Variants in C2CD2L observed in about 807,000 individuals in gnomAD.
The protein encoded by C2CD2L is phospholipid transfer protein C2CD2L.
C2CD2L carries 24 observed loss-of-function variants against 69.9 expected under a neutral mutation model. The ratio of observed to expected loss-of-function variants is 0.34; its 90% CI spans 0.25 to 0.48. The LOEUF is 0.48. Among genes scored for constraint, C2CD2L ranks in the 20% least tolerant of loss-of-function variants. The pLI, the probability that C2CD2L is intolerant of heterozygous loss-of-function variation, is 0.99. For missense variants in C2CD2L, 811 were observed against 941.5 expected, an observed-to-expected ratio of 0.86 and a Z score of 1.81; for synonymous variants, 367 against 391.0, an observed-to-expected ratio of 0.94 and a Z score of 0.72.
At position 119,110,292 on chromosome 11, in the gene C2CD2L, G is replaced by A. The variant is rs1946699690; in HGVS notation, c.450+93G>A. 2 of 967,066 alleles carry A rather than the reference G, an allele frequency of 2.1e-6. No individual in the cohort carries two copies. The highest frequency in any genetic ancestry group is 3.2e-6 in the Non-Finnish European group (2 of 619,630). 59.9% of individuals were successfully genotyped at this position (967,066 alleles called of 1,614,324 possible). The stretch of plus-strand genomic sequence containing the variant: ...TCCAGAGGTTCTTAACCTGGAGTCT[G>A]TGAATGCCTTATGGATCTAAGGATT... On this transcript the variant is annotated intron_variant, in intron 2 of 13. Transcript: ENST00000648610. This position sits in a 1 kb window ranked among gnomAD's most constrained non-coding sequence, Gnocchi z 5.7.
At position 119,110,475 on chromosome 11, in the gene C2CD2L, G is replaced by A; in HGVS notation, c.451-86G>A. On this transcript the variant is annotated intron_variant, in intron 2 of 13. Coordinates refer to ENST00000648610, the MANE Select transcript of C2CD2L (RefSeq NM_001290474.2). This position sits in a 1 kb window ranked among gnomAD's most constrained non-coding sequence, Gnocchi z 5.7. ...TGAAGTCCTTAGGAAAACGGAAGTG[G>A]GGAGGGGTCTGCTGAACTATTACAG... The A allele has an allele frequency of 6.9e-7, 1 of 1,449,202 alleles. No homozygotes were observed. The highest frequency in any genetic ancestry group is 9.2e-7 in the Non-Finnish European group (1 of 1,082,874). 89.8% of individuals were successfully genotyped at this position (1,449,202 alleles called of 1,614,324 possible). A position where few individuals can be genotyped will look rare whatever the true frequency, so the allele number is the denominator to read the frequency against.
chr11:119,102,579 T>C (rs1431284495), upstream of C2CD2L, among the ~76,000 whole-genome samples: 3 of 152,244 alleles, frequency 2.0e-5, no homozygotes, highest in African/African-American at 4.8e-5. Context: ...CACTGAGGGA[T>C]TGGGAGTACC....
At chr11:119,104,056 G>A (rs958800553), upstream of C2CD2L, among the ~76,000 whole-genome samples, 2 of 152,328 alleles carry the variant, frequency 1.3e-5, no homozygotes, top group South Asian at 4.1e-4. Flanking sequence ...CATATGGAGG[G>A]AGCAATTAGT....
intron 1 of C2CD2L, among the ~76,000 whole-genome samples, chr11:119,108,591 G>T (rs1165134968): frequency 6.6e-6 from 1 of 152,164 alleles, no homozygotes; most frequent in East Asian, 1.9e-4. Flanking sequence ...CCTCCATGCT[G>T]GCCTGTGGTT....
At chr11:119,115,627 G>A (rs1315915619) in intron 13 of C2CD2L, 3 of 257,044 alleles carry the variant, frequency 1.2e-5, no homozygotes, top group Non-Finnish European at 2.2e-5. Context: ...TAACAAGTCA[G>A]TGTCAACCTA....
Position 119,111,267 on chromosome 11 carries a change from C to A in C2CD2L, c.803C>A (p.Pro268His), listed in dbSNP as rs1328553070. ...RACSAPGGLV[P>H]SEKPPMMPQA... ...TGGACCTTCTTCTGCTCTTAGGTAC[C>A]CAGTGAGAAGCCACCCATGATGCCC... Residue 268 changes from proline to histidine, a missense_variant, in exon 6 of 14, where the codon CCC becomes CAC. Pro to His is a moderately conservative substitution (Grantham distance 77). Transcript: ENST00000648610. 5 of 1,613,972 alleles carry A rather than the reference C, an allele frequency of 3.1e-6. No homozygotes were observed. The highest frequency in any genetic ancestry group is 4.2e-6 in the Non-Finnish European group (5 of 1,179,850).
At chr11:119,115,821 G>A in intron 13 of C2CD2L, 1 of 593,466 alleles carries the variant, frequency 1.7e-6, no homozygotes. Flanking sequence ...CCTCAGGAAG[G>A]ATAAAGCACA....
upstream of C2CD2L, among the ~76,000 whole-genome samples, chr11:119,103,668 G>T (rs531943782): frequency 6.9e-5 from 9 of 129,912 alleles, no homozygotes; most frequent in African/African-American, 2.4e-4. Flanking sequence ...CTGCATCCCA[G>T]CCTGGGCAAC....
At chr11:119,113,041 T>G (rs1946792678) in intron 10 of C2CD2L, 167 bp downstream of exon 10, 2 of 637,286 alleles carry the variant, frequency 3.1e-6, no homozygotes, top group Non-Finnish European at 5.4e-6. Context: ...TCTTCCAAAC[T>G]TTCCCTTACC....
Position 119,107,910 on chromosome 11 carries a change from G to A in C2CD2L, c.169G>A (p.Ala57Thr), listed in dbSNP as rs758304015. ...GPGPALAGEP[A>T]GSLRELGVWR... ...GGGACCCGCCTTAGCCGGGGAACCC[G>A]CGGGTTCCCTGCGGGAGCTGGGCGT... The change falls in exon 1 of 14, where the codon GCG (alanine) becomes ACG (threonine). Residue 57 changes from alanine to threonine, a missense_variant. By Grantham distance (58) the Ala-to-Thr change is moderately conservative (BLOSUM62 0). Coordinates refer to ENST00000648610, the MANE Select transcript of C2CD2L (RefSeq NM_001290474.2). The surrounding 1 kb of genome is among the most constrained non-coding windows in gnomAD (Gnocchi z 5.4). 24 of 1,528,916 alleles carry A rather than the reference G, an allele frequency of 1.6e-5. No homozygotes were observed. In the South Asian group the frequency reaches 2.6e-4, roughly 17 times the overall value. 94.7% of individuals were successfully genotyped at this position (1,528,916 alleles called of 1,614,324 possible). A position where few individuals can be genotyped will look rare whatever the true frequency, so the allele number is the denominator to read the frequency against.
upstream of C2CD2L, among the ~76,000 whole-genome samples, chr11:119,106,087 A>T (rs769608657): frequency 5.3e-5 from 8 of 152,204 alleles, no homozygotes; most frequent in Non-Finnish European, 1.0e-4. Context: ...ACAGGAGGTT[A>T]CCTCATTCAC....
intron 13 of C2CD2L, 43 bp from the exon 14 acceptor site, chr11:119,116,002 C>A (rs1425698064): frequency 5.1e-6 from 8 of 1,557,936 alleles, no homozygotes; most frequent in Non-Finnish European, 7.0e-6. Context: ...TCTCACCCCA[C>A]CCCGTGCCCC....
intron 1 of C2CD2L, among the ~76,000 whole-genome samples, chr11:119,108,523 C>T (rs1449991552): frequency 6.6e-6 from 1 of 152,112 alleles, no homozygotes; most frequent in Non-Finnish European, 1.5e-5. Flanking sequence ...CCCCAAGGAG[C>T]CTGAATCACC....
intron 7 of C2CD2L, 24 bp from the exon 8 acceptor site, chr11:119,112,304 G>A (rs1430009876): frequency 6.2e-7 from 1 of 1,606,488 alleles, no homozygotes; most frequent in African/African-American, 1.3e-5. Flanking sequence ...TCTCCTTCCT[G>A]CCCCATCTCC....
At chr11:119,113,742 G>C (rs1415621252) in intron 11 of C2CD2L, 30 bp downstream of exon 11, 2 of 1,613,290 alleles carry the variant, frequency 1.2e-6, no homozygotes, top group Non-Finnish European at 8.5e-7. Context: ...CATGAGTGTG[G>C]GTTGGCCCTG....
Position 119,110,955 on chromosome 11 carries a change from G to A in C2CD2L, c.679G>A (p.Glu227Lys). The A allele has an allele frequency of 6.2e-7, 1 of 1,614,140 alleles. No homozygotes were observed. ...LTVLPKLQAR[E>K]RGEEQVELST... ...GGTGCTTCCCAAGCTTCAGGCCAGG[G>A]AGGTAAGGAGGCAGAGCTGGCAGAG... The change falls in exon 4 of 14, where the codon GAG becomes AAG. Residue 227 changes from glutamate to lysine, a missense_variant and splice_region_variant. By Grantham distance (56) the Glu-to-Lys change is moderately conservative. Transcript: ENST00000648610. The surrounding 1 kb of genome is among the most constrained non-coding windows in gnomAD (Gnocchi z 5.7).
At chr11:119,108,150 G>A in intron 1 of C2CD2L, 55 bp downstream of exon 1, 3 of 1,255,484 alleles carry the variant, frequency 2.4e-6, no homozygotes, top group Non-Finnish European at 3.4e-6. Flanking sequence ...CCAGGGGAGG[G>A]ACTGACTGCT....
intron 10 of C2CD2L, 117 bp downstream of exon 10, chr11:119,112,991 T>C (rs902604837): frequency 1.3e-6 from 1 of 780,292 alleles, no homozygotes; most frequent in African/African-American, 1.8e-5. Flanking sequence ...TTTCAGACAT[T>C]CCATTCCAGT....
In C2CD2L at chr11:119,113,947, C is replaced by A; in HGVS notation, c.1582C>A (p.Pro528Thr). The A allele has an allele frequency of 6.2e-7, 1 of 1,614,198 alleles. No individual in the cohort carries two copies. Among genetic ancestry groups the A allele is most frequent in the Admixed American group, 1.7e-5 (1 of 60,018 alleles). ...CAGTGGGCGGGTGGCCAAGAAGACACCCACCAAGCGCAGCACTCTCATCAT... is the reference window on the plus strand; with the variant it reads ...CAGTGGGCGGGTGGCCAAGAAGACAACCACCAAGCGCAGCACTCTCATCAT... ...EPSGRVAKKT[P>T]TKRSTLIISG... Residue 528 changes from proline (P) to threonine (T), a missense_variant, in exon 12 of 14, where the codon CCC becomes ACC. Pro to Thr is a conservative substitution (Grantham distance 38). Coordinates refer to ENST00000648610, the MANE Select transcript of C2CD2L (RefSeq NM_001290474.2).
Sources: allele counts gnomAD v4.1 joint callset (sites outside exome capture counted in the v4.1 genomes callset), GRCh38; gene constraint gnomAD v4.1.1; non-coding constraint Gnocchi (gnomAD v3.1); transcripts MANE v1.5; gene names NCBI Gene and HGNC (gene_info 2026-07-23, HGNC 2026-07-21).